The following MGAT4C variants were observed in gnomAD, a reference collection of about 807,000 sequenced individuals.
MGAT4C encodes MGAT4 family member C.
MGAT4C carries 19 observed loss-of-function variants against 40.1 expected under a neutral mutation model. The observed-to-expected ratio is 0.47, with a 90% CI of 0.33 to 0.70. The LOEUF is 0.70. MGAT4C is among the 30% of genes least tolerant of loss of function. The pLI, the probability that MGAT4C is intolerant of heterozygous loss-of-function variation, is 0.02. For synonymous variants in MGAT4C, 181 were observed against 187.1 expected, an observed-to-expected ratio of 0.97 and a Z score of 0.27; for missense variants, 491 against 563.2, an observed-to-expected ratio of 0.87 and a Z score of 1.30.
intron 2 of MGAT4C, among the ~76,000 whole-genome samples, chr12:86,515,988 C>T (rs2136353608): frequency 6.6e-6 from 1 of 152,086 alleles, no homozygotes; most frequent in South Asian, 2.1e-4. Flanking sequence ...TCGTGATCCG[C>T]CCACCTCGAC....
chr12:86,647,390 G>T (rs921224428), intron 2 of MGAT4C, among the ~76,000 whole-genome samples: 1 of 151,748 alleles, frequency 6.6e-6, no homozygotes, highest in Non-Finnish European at 1.5e-5. Flanking sequence ...AAAATATTTT[G>T]CTTCACCTAA....
rs569144591 is a variant in MGAT4C, at chr12:86,399,489, G to C, written c.-120+35668C>G. On this transcript the variant is annotated intron_variant, in intron 3 of 7. Transcript: ENST00000548651. Reference sequence around the variant, plus strand: ...GTAGAAACGGGGTTTCACCGTGTTAGCCAGGATGGTCTCCATCTCCTGACC... The same window carrying C: ...GTAGAAACGGGGTTTCACCGTGTTACCCAGGATGGTCTCCATCTCCTGACC... 2.6e-5 allele frequency among the ~76,000 whole-genome samples: 4 copies of C among 151,882 alleles called. No homozygotes were observed. The East Asian group carries it at 7.8e-4, about 30-fold the overall frequency.
At chr12:86,733,053 G>T (rs2136122109) in intron 1 of MGAT4C, among the ~76,000 whole-genome samples, 1 of 152,138 alleles carries the variant, frequency 6.6e-6, no homozygotes, top group Admixed American at 6.6e-5. Context: ...TTGGAAGAAT[G>T]AAAAATTAAA....
At chr12:86,453,321 C>G (rs756795056) in intron 2 of MGAT4C, among the ~76,000 whole-genome samples, 2 of 151,934 alleles carry the variant, frequency 1.3e-5, no homozygotes, top group Non-Finnish European at 2.9e-5. Context: ...ATCATAATAC[C>G]AAGAAGAGAG....
At chr12:86,228,907 T>A (rs1951205606) in intron 1 of MGAT4C, among the ~76,000 whole-genome samples, 2 of 151,832 alleles carry the variant, frequency 1.3e-5, no homozygotes, top group African/African-American at 4.8e-5. Flanking sequence ...AGCTGGTAAA[T>A]GTTATCTGGG....
chr12:86,420,282 G>A (rs1956795108), intron 3 of MGAT4C, among the ~76,000 whole-genome samples: 3 of 152,008 alleles, frequency 2.0e-5, no homozygotes, highest in South Asian at 4.2e-4. Flanking sequence ...CTCTCGAGGC[G>A]GGAGTGGGAG....
In MGAT4C at chr12:86,739,536, A is replaced by G. The variant is rs1032542270; in HGVS notation, c.-261-12295T>C. On this transcript the variant is annotated intron_variant, in intron 1 of 7. Coordinates refer to the MGAT4C transcript ENST00000548651. ...CAGATGTAAAATATTTGGGGGAAAA[A>G]AAAAGGATGGTTGCATTTGTACTGA... Among the ~76,000 whole-genome samples, 16 of 151,078 alleles carry G rather than the reference A, an allele frequency of 1.1e-4. No individual in the cohort carries two copies. In the South Asian group the frequency reaches 1.2e-3, roughly 12 times the overall value.
rs1954284431 is a variant in MGAT4C, at chr12:86,317,892, T to C, written c.-57+16173A>G. ...ACTAGATGGCAAACTCAAGTTATTT[T>C]TTAAATATGATATTTTAACTGAATT... On this transcript the variant is annotated intron_variant, in intron 4 of 7. Coordinates refer to the MGAT4C transcript ENST00000548651. Among the ~76,000 whole-genome samples the C allele has an allele frequency of 5.9e-5, 9 of 151,668 alleles. 1 individual carries two copies. Among genetic ancestry groups the C allele is most frequent in the African/African-American group, 2.2e-4 (9 of 41,344 alleles).
At chr12:86,346,719 C>CAA (rs2136188532) in intron 3 of MGAT4C, among the ~76,000 whole-genome samples, 1 of 152,078 alleles carries the variant, frequency 6.6e-6, no homozygotes, top group African/African-American at 2.4e-5. Flanking sequence ...TTGAAGGATG[C>CAA]GAAGTATTGT....
intron 2 of MGAT4C, among the ~76,000 whole-genome samples, chr12:85,996,308 C>T (rs1215665583): frequency 6.6e-6 from 1 of 151,994 alleles, no homozygotes; most frequent in East Asian, 1.9e-4. Context: ...AAAACAATTT[C>T]TAGGGATGAA....
intron 4 of MGAT4C, among the ~76,000 whole-genome samples, chr12:86,303,892 C>T (rs1002066916): frequency 2.0e-5 from 3 of 150,412 alleles, no homozygotes; most frequent in Non-Finnish European, 2.9e-5. Flanking sequence ...TCTCTGTCTT[C>T]GTCTGTGTGT....
At chr12:86,534,002 G>T (rs1959029432) in intron 2 of MGAT4C, among the ~76,000 whole-genome samples, 1 of 152,052 alleles carries the variant, frequency 6.6e-6, no homozygotes, top group African/African-American at 2.4e-5. Context: ...CCTGAAGGAA[G>T]TTGAGGTATT....
chr12:86,414,464 T>C (rs1020678203), intron 3 of MGAT4C, among the ~76,000 whole-genome samples: 1 of 152,158 alleles, frequency 6.6e-6, no homozygotes, highest in Admixed American at 6.6e-5. Flanking sequence ...AAGAGCCTCC[T>C]TTATAAAATG....
At chr12:86,302,822 C>A (rs1019632571) in intron 4 of MGAT4C, among the ~76,000 whole-genome samples, 1 of 150,532 alleles carries the variant, frequency 6.6e-6, no homozygotes, top group South Asian at 2.1e-4. Context: ...TCTGAGACTG[C>A]CAGTCGACCA....
intron 2 of MGAT4C, among the ~76,000 whole-genome samples, chr12:86,667,169 T>C (rs1300627607): frequency 1.3e-5 from 2 of 152,036 alleles, no homozygotes; most frequent in Non-Finnish European, 2.9e-5. Context: ...AGGTAAAATA[T>C]TAAGAGGAGG....
At chr12:86,494,772 A>G (rs1958208497) in intron 2 of MGAT4C, among the ~76,000 whole-genome samples, 1 of 152,012 alleles carries the variant, frequency 6.6e-6, no homozygotes, top group Non-Finnish European at 1.5e-5. Flanking sequence ...AAATAGAGAA[A>G]TAGAGGAAAT....
chr12:86,090,130 C>A (rs956040499), intron 1 of MGAT4C, among the ~76,000 whole-genome samples: 2 of 151,446 alleles, frequency 1.3e-5, no homozygotes, highest in African/African-American at 4.8e-5. Context: ...CATTCAGGGG[C>A]ACTTTAGATT....
chr12:86,075,523 C>T (rs1248223379), intron 1 of MGAT4C, among the ~76,000 whole-genome samples: 2 of 152,198 alleles, frequency 1.3e-5, no homozygotes, highest in Non-Finnish European at 2.9e-5. Context: ...CACAGCTCCA[C>T]CAGGCTGTGC....
intron 2 of MGAT4C, among the ~76,000 whole-genome samples, chr12:86,592,672 AC>A (rs1961378451): frequency 6.6e-6 from 1 of 152,028 alleles, no homozygotes; most frequent in Non-Finnish European, 1.5e-5. Context: ...CAGCTAGTGA[AC>A]CACTCTAGTG....
Sources: allele counts gnomAD v4.1 joint callset (sites outside exome capture counted in the v4.1 genomes callset), GRCh38; gene constraint gnomAD v4.1.1; transcripts MANE v1.5; gene names NCBI Gene and HGNC (gene_info 2026-07-23, HGNC 2026-07-21).